ASPH: variants seen among roughly 807,000 people sequenced by gnomAD.
The protein encoded by ASPH is aspartate beta-hydroxylase, also known as aspartyl/asparaginyl beta-hydroxylase.
Under a neutral mutation model 118.4 loss-of-function variants are expected in ASPH, and 100 were observed. That is an observed-to-expected ratio of 0.84 (90% CI 0.72 to 1.00). ASPH has a LOEUF of 1.00. Among genes scored for constraint, ASPH ranks in the 50% least tolerant of loss-of-function variants. The pLI, the probability that ASPH is intolerant of heterozygous loss-of-function variation, is 0.00. For missense variants in ASPH, 920 were observed against 919.5 expected, an observed-to-expected ratio of 1.00 and a Z score of -0.01; for synonymous variants, 315 against 325.6, an observed-to-expected ratio of 0.97 and a Z score of 0.35.
chr8:61,601,043 C>A (rs758848839), intron 14 of ASPH, among the ~76,000 whole-genome samples: 12 of 151,314 alleles, frequency 7.9e-5, no homozygotes, highest in Non-Finnish European at 1.6e-4. Context: ...ATTAAGAGAA[C>A]ATAATAATCT....
intron 1 of ASPH, among the ~76,000 whole-genome samples, chr8:61,692,640 C>T (rs925565146): frequency 5.3e-5 from 8 of 152,176 alleles, no homozygotes; most frequent in Non-Finnish European, 1.2e-4. Flanking sequence ...GCACTGAATA[C>T]TTCCTTCCCC....
intron 1 of ASPH, among the ~76,000 whole-genome samples, chr8:61,695,120 G>T (rs1002734774): frequency 1.3e-5 from 2 of 152,204 alleles, no homozygotes; most frequent in Non-Finnish European, 2.9e-5. Flanking sequence ...ACATTAAAAA[G>T]TGAGAAACTC....
chr8:61,618,959 GTTTA>G lies in ASPH; in HGVS notation c.976+15_976+18del. 2 of 1,586,886 alleles carry G rather than the reference GTTTA, an allele frequency of 1.3e-6. No individual in the cohort carries two copies. The highest frequency in any genetic ancestry group is 1.7e-6 in the Non-Finnish European group (2 of 1,157,652). ...TTTCCCCATGTATATTTTAAAGGCTGTTTATTTGACAATCTCACCTTTTGCTTTT... is the reference window on the plus strand; with the variant it reads ...TTTCCCCATGTATATTTTAAAGGCTGTTTGACAATCTCACCTTTTGCTTTT... On this transcript the variant is annotated intron_variant, in intron 14 of 24. Coordinates refer to ENST00000379454, the MANE Select transcript of ASPH (RefSeq NM_004318.4).
chr8:61,532,244 T>C (rs1300329266), intron 21 of ASPH, among the ~76,000 whole-genome samples: 1 of 152,202 alleles, frequency 6.6e-6, no homozygotes, highest in African/African-American at 2.4e-5. Flanking sequence ...TATGAGGTGA[T>C]ATCTCACTGT....
At chr8:61,699,252 T>C (rs1305982834) in intron 1 of ASPH, among the ~76,000 whole-genome samples, 2 of 152,258 alleles carry the variant, frequency 1.3e-5, no homozygotes, top group Non-Finnish European at 2.9e-5. Flanking sequence ...CCTAACAGCA[T>C]GAAGTCTGAC....
At chr8:61,704,814 T>G (rs1033360968) in intron 1 of ASPH, among the ~76,000 whole-genome samples, 1 of 152,178 alleles carries the variant, frequency 6.6e-6, no homozygotes, top group African/African-American at 2.4e-5. Context: ...TTAAAAAGAC[T>G]GACACCACCA....
At chr8:61,543,209 C>T (rs1822583795) in intron 21 of ASPH, among the ~76,000 whole-genome samples, 1 of 152,056 alleles carries the variant, frequency 6.6e-6, no homozygotes, top group African/African-American at 2.4e-5. Context: ...TTTTTTCAAA[C>T]AGTCCTTCTG....
intron 15 of ASPH, among the ~76,000 whole-genome samples, chr8:61,580,847 T>C (rs978027206): frequency 2.6e-5 from 4 of 152,230 alleles, no homozygotes; most frequent in African/African-American, 9.6e-5. Flanking sequence ...TCTATCTCAA[T>C]GTCCTTAATC....
intron 4 of ASPH, among the ~76,000 whole-genome samples, chr8:61,652,767 C>T (rs1421204215): frequency 6.6e-6 from 1 of 152,036 alleles, no homozygotes; most frequent in Non-Finnish European, 1.5e-5. Flanking sequence ...AGCAATTCTA[C>T]AGGAATGAGA....
chr8:61,606,908 A>G (rs2133744395), intron 14 of ASPH: 1 of 193,148 alleles, frequency 5.2e-6, no homozygotes, highest in African/African-American at 2.3e-5. Context: ...CATCCTTGTC[A>G]TTAGACATAC....
rs375137816 is a variant in ASPH at position 61,503,521 on chromosome 8, A to T, written c.2127-12T>A. 26 of 1,606,116 alleles carry T rather than the reference A, an allele frequency of 1.6e-5. No individual in the cohort carries two copies. Among genetic ancestry groups the T allele is most frequent in the Non-Finnish European group, 2.2e-5 (26 of 1,175,480 alleles). On this transcript the variant is annotated splice_polypyrimidine_tract_variant and intron_variant, in intron 24 of 24. Transcript: ENST00000379454. ...CTTCCTCCCAGGTCCTGCAGCAGAA[A>T]GACAAGGATTCCTGAATATAGTTTT...
chr8:61,628,877 A>C (rs1040815291), intron 13 of ASPH, among the ~76,000 whole-genome samples: 4 of 152,210 alleles, frequency 2.6e-5, no homozygotes, highest in Non-Finnish European at 5.9e-5. Flanking sequence ...CAGCTGCTCA[A>C]TATATATTTT....
intron 1 of ASPH, among the ~76,000 whole-genome samples, chr8:61,697,250 T>C (rs1203154046): frequency 6.6e-6 from 1 of 152,226 alleles, no homozygotes; most frequent in East Asian, 1.9e-4. Context: ...ATCTTGGGGA[T>C]ATTATAAGGA....
chr8:61,513,522 A>C lies in ASPH; in HGVS notation c.2126+4006T>G, dbSNP rs540767069. ...AAAAGAACGTGGAGAAGGGCTGCTG[A>C]CCAGCAGTCATGGTGAGGCAGAAGG... On this transcript the variant is annotated intron_variant, in intron 24 of 24. Transcript: ENST00000379454. Among the ~76,000 whole-genome samples, 20 of 152,328 alleles carry C rather than the reference A, an allele frequency of 1.3e-4. No individual in the cohort carries two copies. In the South Asian group the frequency reaches 3.1e-3, roughly 24 times the overall value.
At chr8:61,545,328 T>G (rs1189729162) in intron 21 of ASPH, among the ~76,000 whole-genome samples, 1 of 152,222 alleles carries the variant, frequency 6.6e-6, no homozygotes, top group Non-Finnish European at 1.5e-5. Context: ...ACACTGAATC[T>G]GCTAACACCT....
At chr8:61,635,527 C>G (rs549132012) in intron 12 of ASPH, among the ~76,000 whole-genome samples, 1 of 152,026 alleles carries the variant, frequency 6.6e-6, no homozygotes, top group Non-Finnish European at 1.5e-5. Context: ...TGATCTGGGG[C>G]GTTTTATTTT....
chr8:61,714,294 G>T lies in ASPH; in HGVS notation c.78C>A (p.Gly26=). 6.6e-7 allele frequency: 1 copy of T among 1,522,172 alleles called. No individual in the cohort carries two copies. 94.3% of individuals were successfully genotyped at this position (1,522,172 alleles called of 1,614,324 possible). The part of the protein sequence containing the change: ...SGSGSGSTSA[G]SSSPGARRET... ...CTCTCCGGGCCCCGGGGCTGCTGCT[G>T]CCCGCACTCGTGCTACCGCTGCCGG... Residue 26 remains glycine (G), a synonymous_variant, in exon 1 of 25, where the codon GGC becomes GGA. Coordinates refer to ENST00000379454, the MANE Select transcript of ASPH (RefSeq NM_004318.4).
chr8:61,579,925 AAAAAAAAT>A (rs1836907962), intron 15 of ASPH, among the ~76,000 whole-genome samples: 5 of 150,148 alleles, frequency 3.3e-5, no homozygotes, highest in Admixed American at 6.7e-5. Context: ...AAAAAAAAAA[AAAAAAAAT>A]GGGAGAAATT....
At position 61,625,982 on chromosome 8, in the gene ASPH, A is replaced by G. The variant is rs549938926; in HGVS notation, c.935-6963T>C. 2.6e-5 allele frequency: 31 copies of G among 1,174,130 alleles called. No individual in the cohort carries two copies. The African/African-American group carries it at 4.7e-4, about 18-fold the overall frequency. The allele number at this position is 1,174,130 out of a possible 1,614,324, so 72.7% of individuals were successfully genotyped here. ...AAAAACACACATAAATTCAGGTAAG[A>G]CTAAAAGCTGTCTCACAAAAAGAAA... On this transcript the variant is annotated intron_variant, in intron 13 of 24. Coordinates refer to ENST00000379454, the MANE Select transcript of ASPH (RefSeq NM_004318.4).
Sources: gnomAD v4.1 joint callset for allele counts (sites outside exome capture counted in the v4.1 genomes callset) on GRCh38, gnomAD v4.1.1 for gene constraint, MANE v1.5 for transcripts, NCBI Gene and HGNC (gene_info 2026-07-23, HGNC 2026-07-21) for gene names.